MGLL: variants seen among roughly 807,000 people sequenced by gnomAD.
MGLL encodes the protein lysophospholipase homolog.
A neutral mutation model predicts 29.1 loss-of-function variants in MGLL; 7 were observed. The observed-to-expected ratio is 0.24, with a 90% CI of 0.14 to 0.45. MGLL has a LOEUF of 0.45. MGLL is among the 20% of genes least tolerant of loss of function. The pLI is 0.99. For synonymous variants in MGLL, 148 were observed against 168.3 expected (o/e 0.88, Z 0.93); for missense variants, 356 against 413.6 (o/e 0.86, Z 1.21).
At chr3:127,750,059 G>A (rs1010424280) in intron 3 of MGLL, among the ~76,000 whole-genome samples, 5 of 152,104 alleles carry the variant, frequency 3.3e-5, no homozygotes, top group African/African-American at 9.7e-5. Flanking sequence ...CTTTTACCCC[G>A]AGGGAGGTGG....
intron 3 of MGLL, among the ~76,000 whole-genome samples, chr3:127,746,179 C>T (rs138619933): frequency 7.2e-5 from 11 of 152,178 alleles, no homozygotes; most frequent in Middle Eastern, 3.4e-3. Flanking sequence ...CTGAGGCCAG[C>T]GGGAATGAGC....
chr3:127,720,795 T>A (rs898104647), intron 5 of MGLL, among the ~76,000 whole-genome samples: 9 of 152,152 alleles, frequency 5.9e-5, no homozygotes, highest in Admixed American at 5.9e-4. Context: ...TCTAACCTCG[T>A]CTCCTTTTAA....
chr3:127,776,068 C>A (rs1425019257), intron 3 of MGLL, among the ~76,000 whole-genome samples: 7 of 152,212 alleles, frequency 4.6e-5, no homozygotes, highest in African/African-American at 1.7e-4. Flanking sequence ...GGTGTCCCCA[C>A]CTGTTCACAC....
chr3:127,750,877 T>C (rs1043457347), intron 3 of MGLL, among the ~76,000 whole-genome samples: 9 of 152,216 alleles, frequency 5.9e-5, no homozygotes, highest in African/African-American at 7.2e-5. Flanking sequence ...CACAGTCATA[T>C]CTGCTCTTGA....
chr3:127,709,464 C>T (rs2075667306), intron 6 of MGLL, among the ~76,000 whole-genome samples: 1 of 152,286 alleles, frequency 6.6e-6, no homozygotes, highest in African/African-American at 2.4e-5. Context: ...CTCTTTCCTA[C>T]ACACCACGGG....
chr3:127,800,445 G>A (rs1005451562), intron 2 of MGLL, among the ~76,000 whole-genome samples: 1 of 152,176 alleles, frequency 6.6e-6, no homozygotes, highest in African/African-American at 2.4e-5. Flanking sequence ...GTGAGTTTGG[G>A]CAAGTTGCTG....
chr3:127,786,240 G>A (rs558572640), intron 2 of MGLL, among the ~76,000 whole-genome samples: 8 of 152,318 alleles, frequency 5.3e-5, no homozygotes, highest in African/African-American at 2.4e-5. Flanking sequence ...AAGAGACCAC[G>A]TTCATCAAGG....
At chr3:127,820,790 C>T (rs2077845526) in intron 2 of MGLL, among the ~76,000 whole-genome samples, 1 of 152,180 alleles carries the variant, frequency 6.6e-6, no homozygotes, top group African/African-American at 2.4e-5. Context: ...GTGTAGCTGC[C>T]CTGAAGCTAT....
rs150517693 is a variant in MGLL, at chr3:127,740,025, G to A, written c.263-17459C>T. On this transcript the variant is annotated intron_variant, in intron 3 of 7. Transcript: ENST00000265052. ...TCAGAGGCCTGCGGGCCAGCAGGCA[G>A]CTCTGAGTGGGGAAGCCCTGGCCTC... 2.3e-3 allele frequency among the ~76,000 whole-genome samples: 355 copies of A among 152,330 alleles called. 2 individuals carry two copies. The highest frequency in any genetic ancestry group is 0.01 in the Middle Eastern group (3 of 294).
intron 5 of MGLL, chr3:127,715,419 T>A: frequency 3.1e-6 from 1 of 323,566 alleles, no homozygotes; most frequent in Non-Finnish European, 6.1e-6. Flanking sequence ...ATTTTAATGA[T>A]AACTTCATGG....
intron 2 of MGLL, among the ~76,000 whole-genome samples, chr3:127,785,898 A>C (rs1254720494): frequency 2.6e-5 from 4 of 152,206 alleles, no homozygotes; most frequent in Non-Finnish European, 5.9e-5. Context: ...AAGGGAGCCC[A>C]ACCTAGACTA....
At chr3:127,726,272 G>T (rs2076043657) in intron 3 of MGLL, among the ~76,000 whole-genome samples, 1 of 99,850 alleles carries the variant, frequency 1.0e-5, no homozygotes, top group Admixed American at 1.0e-4. Context: ...GAGAAGGAGG[G>T]AGGGAGAGAG....
In MGLL at chr3:127,692,300, A is replaced by G; in HGVS notation, c.840T>C (p.Val280=). The change falls in exon 8 of 8, where the codon GTT becomes GTC. Residue 280 remains valine (V), a synonymous_variant. Coordinates refer to ENST00000265052, the MANE Select transcript of MGLL (RefSeq NM_007283.7). ...TGACTTCAGGAAGCTCCTTGTGGAG[A>G]ACATGGTAGGCACCTTCATAAATCT... The part of the protein sequence containing the change: ...TLKIYEGAYH[V]LHKELPEVTN... 6.2e-7 allele frequency: 1 copy of G among 1,614,034 alleles called. No homozygotes were observed. The highest frequency in any genetic ancestry group is 8.5e-7 in the Non-Finnish European group (1 of 1,179,950).
At chr3:127,727,582 C>T (rs1326619023) in intron 3 of MGLL, among the ~76,000 whole-genome samples, 1 of 151,840 alleles carries the variant, frequency 6.6e-6, no homozygotes, top group East Asian at 1.9e-4. Flanking sequence ...CATGGTGGTG[C>T]ACACCTGTAG....
At position 127,710,662 on chromosome 3, in the gene MGLL, G is replaced by A. The variant is rs1439577984; in HGVS notation, c.514C>T (p.Leu172Phe). 6.4e-7 allele frequency: 1 copy of A among 1,566,252 alleles called. No homozygotes were observed. The highest frequency in any genetic ancestry group is 1.9e-5 in the Admixed American group (1 of 52,584). ...NPESATTFKV[L>F]AAKVLNLVLP... ...ACAAGGTTGAGCACTTTCGCAGCAA[G>A]GACCTAGCCGGGGAGGGAAAACAAG... The change falls in exon 6 of 8, where the codon CTT becomes TTT. Residue 172 changes from leucine (L) to phenylalanine (F), a missense_variant. Physicochemically the swap from Leu to Phe is conservative, Grantham distance 22 (BLOSUM62 0). Coordinates refer to ENST00000265052, the MANE Select transcript of MGLL (RefSeq NM_007283.7).
At chr3:127,701,233 A>AAAAAAAAAAAAAGCC (rs2075476737) in intron 6 of MGLL, among the ~76,000 whole-genome samples, 1 of 148,802 alleles carries the variant, frequency 6.7e-6, no homozygotes, top group African/African-American at 2.5e-5. Flanking sequence ...AAAAAAAAAA[A>AAAAAAAAAAAAAGCC]GCCACCACCA....
At chr3:127,808,448 G>A (rs2077606896) in intron 2 of MGLL, among the ~76,000 whole-genome samples, 1 of 152,214 alleles carries the variant, frequency 6.6e-6, no homozygotes, top group Non-Finnish European at 1.5e-5. Context: ...AGTCCCAGGG[G>A]AAGTCTTATT....
At chr3:127,717,103 G>A (rs1450717011) in intron 5 of MGLL, among the ~76,000 whole-genome samples, 4 of 152,204 alleles carry the variant, frequency 2.6e-5, no homozygotes, top group East Asian at 1.9e-4. Context: ...GGACAGAGGT[G>A]AACTAACCCC....
At chr3:127,770,128 T>C (rs990635624) in intron 3 of MGLL, among the ~76,000 whole-genome samples, 1 of 152,186 alleles carries the variant, frequency 6.6e-6, no homozygotes, top group Non-Finnish European at 1.5e-5. Flanking sequence ...GCTCAAGTGA[T>C]CTTTCCACCT....
Sources: gnomAD v4.1 joint callset for allele counts (sites outside exome capture counted in the v4.1 genomes callset) on GRCh38, gnomAD v4.1.1 for gene constraint, MANE v1.5 for transcripts, NCBI Gene and HGNC (gene_info 2026-07-23, HGNC 2026-07-21) for gene names.